DOCK1: variants seen among roughly 807,000 people sequenced by gnomAD.
DOCK1 encodes the protein dedicator of cytokinesis protein 1.
Under a neutral mutation model 262.7 loss-of-function variants are expected in DOCK1, and 138 were observed. The observed-to-expected ratio is 0.53, with a 90% CI of 0.46 to 0.61. DOCK1 has a LOEUF of 0.61. Ranked by LOEUF, DOCK1 falls within the 20% of genes least tolerant of loss-of-function variation. The pLI, the probability that DOCK1 is intolerant of heterozygous loss-of-function variation, is 0.00. For synonymous variants in DOCK1, 866 were observed against 867.4 expected (o/e 1.00, Z 0.03); for missense variants, 1,908 against 2,370.7 (o/e 0.80, Z 4.05).
intron 27 of DOCK1, among the ~76,000 whole-genome samples, chr10:127,186,626 A>C (rs979623597): frequency 6.6e-6 from 1 of 151,446 alleles, no homozygotes; most frequent in Non-Finnish European, 1.5e-5. Context: ...AAACCGTATC[A>C]GAGGGGCATA....
intron 22 of DOCK1, among the ~76,000 whole-genome samples, chr10:127,058,627 C>T (rs958218520): frequency 4.0e-5 from 6 of 150,968 alleles, no homozygotes; most frequent in African/African-American, 1.5e-4. Flanking sequence ...TTTTTTTAAG[C>T]ATCTCATTTT....
chr10:127,252,567 G>T (rs1401258936), intron 28 of DOCK1, among the ~76,000 whole-genome samples: 2 of 149,566 alleles, frequency 1.3e-5, no homozygotes, highest in Non-Finnish European at 3.0e-5. Context: ...TTTTGTATAA[G>T]GTGTAAGGAA....
chr10:127,104,808 G>C (rs936405438), intron 23 of DOCK1, among the ~76,000 whole-genome samples: 2 of 152,178 alleles, frequency 1.3e-5, no homozygotes, highest in Admixed American at 6.5e-5. Context: ...CTCAGGGTCT[G>C]ACTTTCCCCC....
At chr10:127,285,586 T>C (rs2061120862) in intron 29 of DOCK1, among the ~76,000 whole-genome samples, 1 of 152,220 alleles carries the variant, frequency 6.6e-6, no homozygotes, top group Admixed American at 6.5e-5. Context: ...GACTCCGTGC[T>C]GAGGACCCTA....
At chr10:127,242,639 A>G (rs1054422329) in intron 27 of DOCK1, among the ~76,000 whole-genome samples, 12 of 151,970 alleles carry the variant, frequency 7.9e-5, no homozygotes, top group African/African-American at 2.9e-4. Flanking sequence ...CATCACCATT[A>G]TGTTTTTTTT....
intron 31 of DOCK1, among the ~76,000 whole-genome samples, chr10:127,352,230 GT>G (rs2063913879): frequency 1.1e-5 from 1 of 94,582 alleles, no homozygotes; most frequent in Non-Finnish European, 2.2e-5. Context: ...TCGGGGAGGG[GT>G]GGGGAGGGGT....
intron 29 of DOCK1, among the ~76,000 whole-genome samples, chr10:127,284,803 T>C (rs771987438): frequency 3.6e-4 from 55 of 152,130 alleles, no homozygotes; most frequent in Non-Finnish European, 5.7e-4. Flanking sequence ...TAGTACCACA[T>C]TGTTTTAATT....
intron 51 of DOCK1, among the ~76,000 whole-genome samples, chr10:127,448,167 G>A (rs1228667625): frequency 1.3e-5 from 2 of 152,160 alleles, no homozygotes; most frequent in African/African-American, 2.4e-5. Context: ...GTTCGGGGGT[G>A]CTGACCTGGC....
intron 27 of DOCK1, among the ~76,000 whole-genome samples, chr10:127,151,765 T>A (rs79990794): frequency 0.052 from 7,913 of 152,206 alleles, 552 homozygotes; most frequent in African/African-American, 0.16. Context: ...CTTGGCAAAT[T>A]CCTGTGGTGC....
At position 127,257,215 on chromosome 10, in the gene DOCK1, T is replaced by C. The variant is rs1297242187; in HGVS notation, c.2950-120T>C. 6.3e-6 allele frequency: 5 copies of C among 793,976 alleles called. No individual in the cohort carries two copies. In the East Asian group the frequency reaches 1.4e-4, roughly 22 times the overall value. The allele number at this position is 793,976 out of a possible 1,614,324, so 49.2% of individuals were successfully genotyped here. A position where few individuals can be genotyped will look rare whatever the true frequency, so the allele number is the denominator to read the frequency against. ...CTCCTATGAAATATATCTTCATTAC[T>C]TTTCAGGATGTGTTCATTCAGCCTT... is the stretch of plus-strand genomic sequence containing the variant. On this transcript the variant is annotated intron_variant, in intron 28 of 51. Transcript: ENST00000623213.
At chr10:126,926,481 G>A (rs2033733937) in intron 1 of DOCK1, among the ~76,000 whole-genome samples, 1 of 152,142 alleles carries the variant, frequency 6.6e-6, no homozygotes, top group East Asian at 1.9e-4. Flanking sequence ...TTATCTTGCA[G>A]TTTTACGACT....
chr10:127,167,181 G>A (rs753456963), intron 27 of DOCK1, among the ~76,000 whole-genome samples: 4 of 151,962 alleles, frequency 2.6e-5, no homozygotes, highest in Non-Finnish European at 5.9e-5. Context: ...GTGACCCTGT[G>A]AATTAAATGA....
intron 40 of DOCK1, among the ~76,000 whole-genome samples, 191 bp from the exon 41 acceptor site, chr10:127,408,846 C>A (rs747960377): frequency 6.6e-6 from 1 of 151,966 alleles, no homozygotes; most frequent in Non-Finnish European, 1.5e-5. Context: ...AACTTACATG[C>A]TTGATGACCA....
intron 1 of DOCK1, among the ~76,000 whole-genome samples, chr10:126,953,836 C>T (rs1319018189): frequency 1.3e-5 from 2 of 151,936 alleles, no homozygotes; most frequent in Non-Finnish European, 2.9e-5. Context: ...TGGGGAACTG[C>T]AGGGAGAGGA....
chr10:127,156,503 T>C (rs80137631), intron 27 of DOCK1, among the ~76,000 whole-genome samples: 1 of 149,372 alleles, frequency 6.7e-6, no homozygotes, highest in Non-Finnish European at 1.5e-5. Flanking sequence ...TCTGAATCTT[T>C]TCTTCTCTTT....
At chr10:127,251,782 T>G (rs977895978) in intron 28 of DOCK1, among the ~76,000 whole-genome samples, 1 of 148,342 alleles carries the variant, frequency 6.7e-6, no homozygotes, top group African/African-American at 2.5e-5. Context: ...AGTCTATCAT[T>G]GTTGGGCATT....
chr10:126,998,401 CA>C, intron 8 of DOCK1, 152 bp downstream of exon 8: 1 of 1,037,544 alleles, frequency 9.6e-7, no homozygotes. Flanking sequence ...CTGTCTTAGA[CA>C]GTGTGATGGC....
intron 40 of DOCK1, among the ~76,000 whole-genome samples, chr10:127,404,863 G>A (rs2067428274): frequency 6.6e-6 from 1 of 152,088 alleles, no homozygotes; most frequent in African/African-American, 2.4e-5. Flanking sequence ...TCTCCCTCCT[G>A]CCAGCCCCAG....
At chr10:127,059,279 T>C (rs1684981438) in intron 22 of DOCK1, among the ~76,000 whole-genome samples, 2 of 152,210 alleles carry the variant, frequency 1.3e-5, no homozygotes, top group Non-Finnish European at 2.9e-5. Flanking sequence ...ATGGGTTGCA[T>C]AGGATTGTTT....
Sources: allele counts gnomAD v4.1 joint callset (sites outside exome capture counted in the v4.1 genomes callset), GRCh38; gene constraint gnomAD v4.1.1; transcripts MANE v1.5; gene names NCBI Gene and HGNC (gene_info 2026-07-23, HGNC 2026-07-21).